SDK2: variants seen among roughly 807,000 people sequenced by gnomAD.
The protein encoded by SDK2 is protein sidekick-2.
A neutral mutation model predicts 253.9 loss-of-function variants in SDK2; 105 were observed. The observed-to-expected ratio is 0.41, with a 90% CI of 0.35 to 0.49. SDK2 has a LOEUF of 0.49. SDK2 is among the 20% of genes least tolerant of loss of function. The probability of loss-of-function intolerance (pLI) is 0.06; values close to 1 mark genes in which losing one functional copy is unlikely to be tolerated. For missense variants in SDK2, 2,608 were observed against 3,003.0 expected (o/e 0.87, Z 3.07); for synonymous variants, 1,249 against 1,234.9 (o/e 1.01, Z -0.24).
chr17:73,561,896 C>A (rs974367104), intron 1 of SDK2, among the ~76,000 whole-genome samples: 2 of 152,108 alleles, frequency 1.3e-5, no homozygotes, highest in Non-Finnish European at 1.5e-5. Context: ...GGGGCTGAGG[C>A]GGGTGGATCA....
chr17:73,471,413 C>G (rs576657293), intron 3 of SDK2, among the ~76,000 whole-genome samples: 59 of 152,260 alleles, frequency 3.9e-4, no homozygotes, highest in Admixed American at 2.7e-3. Context: ...GCCTGGCCAA[C>G]ATGGTGAAAC....
At chr17:73,571,229 C>T (rs2045381815) in intron 1 of SDK2, among the ~76,000 whole-genome samples, 1 of 152,158 alleles carries the variant, frequency 6.6e-6, no homozygotes. Flanking sequence ...CCACCATGCC[C>T]AGCTCGGGTC....
At position 73,401,934 on chromosome 17, in the gene SDK2, G is replaced by A. The variant is rs1568384039; in HGVS notation, c.2680+12C>T. 12 of 1,588,374 alleles carry A rather than the reference G, an allele frequency of 7.6e-6. No individual in the cohort carries two copies. The highest frequency in any genetic ancestry group is 1.0e-5 in the Non-Finnish European group (12 of 1,165,526). ...GGGGGGGGCAGAAAGAGCAGGGCTG[G>A]GGGGTGCCTACCATCCTCATGGGTG... On this transcript the variant is annotated intron_variant, in intron 19 of 44. Coordinates refer to ENST00000392650, the MANE Select transcript of SDK2 (RefSeq NM_001144952.2).
In SDK2 at chr17:73,616,962, C is replaced by T. The variant is rs553842578; in HGVS notation, c.64+27063G>A. The stretch of plus-strand genomic sequence containing the variant: ...TAGAAAAGGTGCTGGGATGAGAGGG[C>T]GGGTTTTCACAGGCCCATGCATGGC... On this transcript the variant is annotated intron_variant, in intron 1 of 44. Coordinates refer to ENST00000392650, the MANE Select transcript of SDK2 (RefSeq NM_001144952.2). The surrounding 1 kb of genome is among the most constrained non-coding windows in gnomAD (Gnocchi z 5.2). 3.9e-5 allele frequency among the ~76,000 whole-genome samples: 6 copies of T among 151,990 alleles called. No homozygotes were observed. The South Asian group carries it at 1.2e-3, about 32-fold the overall frequency.
At chr17:73,482,760 G>A (rs1236794024) in intron 2 of SDK2, among the ~76,000 whole-genome samples, 1 of 152,256 alleles carries the variant, frequency 6.6e-6, no homozygotes, top group Non-Finnish European at 1.5e-5. Flanking sequence ...CCAGTGAGGT[G>A]AGATGAGGGC....
chr17:73,372,033 C>T (rs1186662606), intron 36 of SDK2, among the ~76,000 whole-genome samples: 1 of 151,740 alleles, frequency 6.6e-6, no homozygotes, highest in Non-Finnish European at 1.5e-5. Flanking sequence ...CTGCCCTGCC[C>T]GTGGGAGCTA....
chr17:73,350,773 A>G lies in SDK2; in HGVS notation c.5776T>C (p.Phe1926Leu). The stretch of plus-strand genomic sequence containing the variant: ...ACCAAGAACCACCACTCCTCATAGA[A>G]GGGGTTGGCTTTCTGGGCTGGAGCA... ...QSVPAQKANPFYEEWWFLVVI... is the reference protein window; with the variant it reads ...QSVPAQKANPLYEEWWFLVVI... Residue 1926 changes from phenylalanine (F) to leucine (L), a missense_variant, in exon 42 of 45, where the codon TTC becomes CTC. Physicochemically the swap from Phe to Leu is conservative, Grantham distance 22. Coordinates refer to ENST00000392650, the MANE Select transcript of SDK2 (RefSeq NM_001144952.2). The G allele has an allele frequency of 6.2e-7, 1 of 1,610,900 alleles. No homozygotes were observed. The highest frequency in any genetic ancestry group is 8.5e-7 in the Non-Finnish European group (1 of 1,178,930).
intron 16 of SDK2, among the ~76,000 whole-genome samples, chr17:73,418,590 T>A (rs2063202624): frequency 1.3e-5 from 2 of 152,184 alleles, no homozygotes; most frequent in Admixed American, 6.5e-5. Context: ...ATCTAGAATA[T>A]CAATGAGAGT....
At chr17:73,441,803 C>A (rs752648801) in intron 5 of SDK2, among the ~76,000 whole-genome samples, 2 of 152,132 alleles carry the variant, frequency 1.3e-5, no homozygotes, top group Admixed American at 6.5e-5. Flanking sequence ...TGACCAGGAA[C>A]CTCATGGGTC....
At chr17:73,362,220 C>T (rs535241621) in intron 38 of SDK2, among the ~76,000 whole-genome samples, 1 of 152,244 alleles carries the variant, frequency 6.6e-6, no homozygotes, top group African/African-American at 2.4e-5. Context: ...TTGCTATTCC[C>T]TTATGCAGCA....
intron 36 of SDK2, among the ~76,000 whole-genome samples, chr17:73,370,035 C>A (rs181977241): frequency 1.3e-5 from 2 of 152,270 alleles, no homozygotes; most frequent in Admixed American, 1.3e-4. Context: ...CTGGGCCCAG[C>A]CACGTGCAAA....
At position 73,414,711 on chromosome 17, in the gene SDK2, G is replaced by A. The variant is rs150499065; in HGVS notation, c.2417C>T (p.Thr806Met). ...GGCGTTCCAGGTGAAGCGGATGGTCGTGGAATTGGTGGCTTCCGCGTGCAC... is the reference window on the plus strand; with the variant it reads ...GGCGTTCCAGGTGAAGCGGATGGTCATGGAATTGGTGGCTTCCGCGTGCAC... ...GNVHAEATNS[T>M]TIRFTWNAPS... Residue 806 changes from threonine to methionine, a missense_variant, in exon 18 of 45, where the codon ACG (threonine) becomes ATG (methionine). Physicochemically the swap from Thr to Met is moderately conservative, Grantham distance 81. Coordinates refer to ENST00000392650, the MANE Select transcript of SDK2 (RefSeq NM_001144952.2). 172 of 1,613,776 alleles carry A rather than the reference G, an allele frequency of 1.1e-4. No individual in the cohort carries two copies. The highest frequency in any genetic ancestry group is 2.1e-4 in the African/African-American group (16 of 74,896).
chr17:73,604,952 C>T (rs938521643), intron 1 of SDK2, among the ~76,000 whole-genome samples: 1 of 152,136 alleles, frequency 6.6e-6, no homozygotes, highest in African/African-American at 2.4e-5. Flanking sequence ...AGAGGAAGCC[C>T]CCAGTGGTCC....
At chr17:73,381,488 T>C (rs938189439) in intron 33 of SDK2, among the ~76,000 whole-genome samples, 1 of 152,002 alleles carries the variant, frequency 6.6e-6, no homozygotes, top group Admixed American at 6.6e-5. Context: ...GTTTTTCTAT[T>C]AATATTCCTT....
At chr17:73,598,320 G>A (rs547743661) in intron 1 of SDK2, among the ~76,000 whole-genome samples, 22 of 152,326 alleles carry the variant, frequency 1.4e-4, no homozygotes, top group African/African-American at 4.8e-4. Context: ...GGCTCAGGTC[G>A]CTGGGTCATT....
In SDK2 at chr17:73,395,428, C is replaced by T; in HGVS notation, c.3355-36G>A. 2.6e-6 allele frequency: 4 copies of T among 1,564,216 alleles called. No homozygotes were observed. Among genetic ancestry groups the T allele is most frequent in the Non-Finnish European group, 3.5e-6 (4 of 1,136,396 alleles). On this transcript the variant is annotated intron_variant, in intron 24 of 44. Transcript: ENST00000392650. The surrounding 1 kb of genome is among the most constrained non-coding windows in gnomAD (Gnocchi z 4.3). Reference sequence around the variant, plus strand: ...GCAGGGGTGGCAAAGCTGCTATGAGCCAGGCCCCCCACTGTGCAGGGAGGA... The same window carrying T: ...GCAGGGGTGGCAAAGCTGCTATGAGTCAGGCCCCCCACTGTGCAGGGAGGA...
rs377289427 is a variant in SDK2 at position 73,338,620 on chromosome 17, C to A, written c.6486G>T (p.Arg2162=). The stretch of plus-strand genomic sequence containing the variant: ...ATGATGAAAATCCTGCTATGGGAGC[C>A]CGGGAGCCTGGGGCCAGGCTGCTGG... ...RPPSSLAPGS[R]APIAGFSSFV The change falls in exon 45 of 45, where the codon CGG becomes CGT. Residue 2162 remains arginine, a synonymous_variant. Transcript: ENST00000392650. This position sits in a 1 kb window ranked among gnomAD's most constrained non-coding sequence, Gnocchi z 5.0. 8.5e-6 allele frequency: 13 copies of A among 1,529,140 alleles called. No homozygotes were observed. The Admixed American group carries it at 1.1e-4, about 13-fold the overall frequency. 94.7% of individuals were successfully genotyped at this position (1,529,140 alleles called of 1,614,324 possible).
At chr17:73,432,066 G>A (rs1385302129) in intron 10 of SDK2, among the ~76,000 whole-genome samples, 2 of 152,040 alleles carry the variant, frequency 1.3e-5, no homozygotes, top group African/African-American at 2.4e-5. Context: ...AGGTGATGAC[G>A]GGCATCCTGC....
chr17:73,425,667 C>T (rs1016016957), intron 12 of SDK2, among the ~76,000 whole-genome samples: 117 of 152,144 alleles, frequency 7.7e-4, no homozygotes, highest in African/African-American at 2.8e-3. Context: ...ACCACCACGC[C>T]CGACTAATTT....
Sources: allele counts gnomAD v4.1 joint callset (sites outside exome capture counted in the v4.1 genomes callset), GRCh38; gene constraint gnomAD v4.1.1; non-coding constraint Gnocchi (gnomAD v3.1); transcripts MANE v1.5; gene names NCBI Gene and HGNC (gene_info 2026-07-23, HGNC 2026-07-21).